The following WDR47 variants were observed in gnomAD, a reference collection of about 807,000 sequenced individuals.
WDR47 encodes WD repeat-containing protein 47.
In WDR47, 32 loss-of-function variants were observed where a neutral mutation model predicts 97.2. The ratio of observed to expected loss-of-function variants is 0.33; its 90% CI spans 0.25 to 0.44. The LOEUF is 0.44. Ranked by LOEUF, WDR47 falls within the 20% of genes least tolerant of loss-of-function variation. WDR47 has a pLI of 1.00. For missense variants in WDR47, 782 were observed against 1,102.3 expected (o/e 0.71, Z 4.11); for synonymous variants, 375 against 373.5 (o/e 1.00, Z -0.05).
At chr1:108,986,782 G>C in intron 9 of WDR47, 102 bp from the exon 10 acceptor site, 1 of 1,045,622 alleles carries the variant, frequency 9.6e-7, no homozygotes, top group Non-Finnish European at 1.4e-6. Flanking sequence ...TATTCTTGTT[G>C]GATCATGTTA....
chr1:109,021,013 G>C (rs1184761439), intron 2 of WDR47, among the ~76,000 whole-genome samples: 2 of 151,606 alleles, frequency 1.3e-5, no homozygotes, highest in East Asian at 2.0e-4. Flanking sequence ...GGCTTTCCAA[G>C]TCACAAAATG....
At chr1:108,998,439 T>C (rs1309812989) in intron 7 of WDR47, among the ~76,000 whole-genome samples, 4 of 151,918 alleles carry the variant, frequency 2.6e-5, no homozygotes, top group Admixed American at 2.0e-4. Context: ...GAGGAAGACG[T>C]TGCAGTGAGC....
rs1323105471 is a variant in WDR47 at position 108,981,846 on chromosome 1, T to A, written c.2285A>T (p.Tyr762Phe). The A allele has an allele frequency of 6.2e-7, 1 of 1,613,282 alleles. No individual in the cohort carries two copies. The highest frequency in any genetic ancestry group is 8.5e-7 in the Non-Finnish European group (1 of 1,179,624). The change falls in exon 13 of 15, where the codon TAT (tyrosine) becomes TTT (phenylalanine). Residue 762 changes from tyrosine to phenylalanine, a missense_variant. Coordinates refer to ENST00000369962, the MANE Select transcript of WDR47 (RefSeq NM_001142551.2). ...SGHTGHILALYTWSGWMIASG... is the reference protein window; with the variant it reads ...SGHTGHILALFTWSGWMIASG... ...TGCAATCATCCAGCCACTCCAGGTA[T>A]AAAGTGCTAAAATATGCCCTATAAA...
chr1:109,004,264 C>CAAA (rs748279464), intron 6 of WDR47, among the ~76,000 whole-genome samples: 3 of 111,064 alleles, frequency 2.7e-5, no homozygotes, highest in Non-Finnish European at 3.8e-5. Flanking sequence ...GACTCCGTCT[C>CAAA]AAAAAAAAAA....
intron 1 of WDR47, among the ~76,000 whole-genome samples, chr1:109,040,035 C>CAAAAAA (rs71281820): frequency 2.0e-5 from 1 of 51,134 alleles, no homozygotes; most frequent in African/African-American, 7.4e-5. Context: ...GACTCCGTCT[C>CAAAAAA]AAAAAAAAAA....
chr1:108,986,715 A>G, intron 9 of WDR47, 35 bp from the exon 10 acceptor site: 1 of 1,478,702 alleles, frequency 6.8e-7, no homozygotes, highest in African/African-American at 1.4e-5. Flanking sequence ...ATCCTATTAA[A>G]AAAATGAATT....
chr1:108,988,762 T>C (rs1363974159), intron 9 of WDR47, among the ~76,000 whole-genome samples: 1 of 152,074 alleles, frequency 6.6e-6, no homozygotes, highest in Admixed American at 6.6e-5. Context: ...GTTTCATTTC[T>C]ACTTTTTTTT....
intron 1 of WDR47, among the ~76,000 whole-genome samples, chr1:109,028,958 T>C (rs1163083340): frequency 6.6e-6 from 1 of 152,192 alleles, no homozygotes; most frequent in East Asian, 1.9e-4. Flanking sequence ...AATTTTCCTT[T>C]AAAAAGTAAG....
intron 5 of WDR47, among the ~76,000 whole-genome samples, chr1:109,010,064 A>G (rs879537240): frequency 6.6e-6 from 1 of 152,088 alleles, no homozygotes; most frequent in Admixed American, 6.6e-5. Flanking sequence ...TAAGTATGAG[A>G]TTGTATGGGA....
rs774233601 is a variant in WDR47 at position 109,004,755 on chromosome 1, G to A, written c.1131-40C>T. The A allele has an allele frequency of 6.5e-6, 10 of 1,542,932 alleles. No individual in the cohort carries two copies. In the South Asian group the frequency reaches 7.7e-5, roughly 12 times the overall value. ...GTGCAAAAAAACAAAAAGGCAGAGG[G>A]GGGAGTAAAGGAAAATATATTTTAG... On this transcript the variant is annotated intron_variant, in intron 5 of 14. Transcript: ENST00000369962.
chr1:109,027,528 CT>C lies in WDR47; in HGVS notation c.-9-4008del, dbSNP rs200416217. Among the ~76,000 whole-genome samples, 654 of 151,334 alleles carry C rather than the reference CT, an allele frequency of 4.3e-3. 7 individuals carry two copies. The highest frequency in any genetic ancestry group is 0.017 in the Middle Eastern group (5 of 294). ...CTCTGTAAGTGATATATACTGCATA[CT>C]TTTTTTTTCCCCCAGATGGAGTCTT... On this transcript the variant is annotated intron_variant, in intron 1 of 14. Coordinates refer to ENST00000369962, the MANE Select transcript of WDR47 (RefSeq NM_001142551.2).
At chr1:109,030,006 A>G (rs1336733093) in intron 1 of WDR47, 3 of 402,198 alleles carry the variant, frequency 7.5e-6, no homozygotes, top group Non-Finnish European at 1.3e-5. Context: ...ACCAAATATA[A>G]GCAGATATGA....
At chr1:109,030,610 T>TGCAGAAAAGGTAAAGAAAAAAAA (rs1571256184) in intron 1 of WDR47, among the ~76,000 whole-genome samples, 2 of 143,810 alleles carry the variant, frequency 1.4e-5, no homozygotes, top group African/African-American at 2.5e-5. Flanking sequence ...CTCTTTAATC[T>TGCAGAAAAGGTAAAGAAAAAAAA]TCCAAGTATT....
At chr1:109,023,068 T>C (rs1411138857) in intron 2 of WDR47, among the ~76,000 whole-genome samples, 1 of 151,450 alleles carries the variant, frequency 6.6e-6, no homozygotes. Context: ...CTGGCCGTGG[T>C]GATGGGCGCC....
chr1:108,988,105 T>C (rs1658989067), intron 9 of WDR47, among the ~76,000 whole-genome samples: 1 of 149,458 alleles, frequency 6.7e-6, no homozygotes, highest in Non-Finnish European at 1.5e-5. Flanking sequence ...TTTAGACGGC[T>C]GTGGTGGTAT....
chr1:108,976,360 C>A (rs1657891812), intron 13 of WDR47, among the ~76,000 whole-genome samples: 1 of 141,304 alleles, frequency 7.1e-6, no homozygotes, highest in Admixed American at 7.2e-5. Flanking sequence ...ATTATCAAAA[C>A]TAGGGAAGAG....
intron 7 of WDR47, among the ~76,000 whole-genome samples, chr1:108,998,376 A>G (rs9660938): frequency 0.11 from 16,194 of 151,892 alleles, 999 homozygotes; most frequent in African/African-American, 0.16. Flanking sequence ...GGTGGTGGAC[A>G]CTTGTGGTCC....
intron 10 of WDR47, among the ~76,000 whole-genome samples, 196 bp downstream of exon 10, chr1:108,986,327 T>A (rs1413239084): frequency 6.6e-6 from 1 of 152,010 alleles, no homozygotes; most frequent in East Asian, 1.9e-4. Context: ...TATGAAAAAA[T>A]TATGAAGTTA....
Position 108,986,524 on chromosome 1 carries a change from T to G in WDR47, c.1924A>C (p.Ser642Arg). The G allele has an allele frequency of 1.2e-6, 2 of 1,605,196 alleles. No individual in the cohort carries two copies. The highest frequency in any genetic ancestry group is 2.2e-5 in the South Asian group (2 of 89,418). Reference protein sequence around the residue: ...VCAYPDVIDPSAHETPKQPVV... With the variant: ...VCAYPDVIDPRAHETPKQPVV... ...GCAGCACAAATCATTGATCCTTACC[T>G]TGGATCAATTACATCTGGATAGGCA... Residue 642 changes from serine to arginine, a missense_variant and splice_region_variant, in exon 10 of 15, where the codon AGT becomes CGT. By Grantham distance (110) the Ser-to-Arg change is moderately radical. This residue lies in a region of WDR47 where 228 missense variants were observed against 396.7 expected (regional missense o/e 0.57). Transcript: ENST00000369962.
Sources: allele counts gnomAD v4.1 joint callset (sites outside exome capture counted in the v4.1 genomes callset), GRCh38; gene constraint gnomAD v4.1.1; regional missense constraint gnomAD v4.1.1; transcripts MANE v1.5; gene names NCBI Gene and HGNC (gene_info 2026-07-23, HGNC 2026-07-21).